Variants in NDUFB7 observed in about 807,000 individuals in gnomAD.
The protein encoded by NDUFB7 is NADH:ubiquinone oxidoreductase subunit B7, also known as NADH dehydrogenase [ubiquinone] 1 beta subcomplex subunit 7.
NDUFB7 carries 18 observed loss-of-function variants against 14.7 expected under a neutral mutation model. The ratio of observed to expected loss-of-function variants is 1.22; its 90% CI spans 0.85 to 1.81. The LOEUF is 1.81. NDUFB7 is among the 40% of genes most tolerant of loss of function. The probability of loss-of-function intolerance (pLI) is 0.00; values close to 1 mark genes in which losing one functional copy is unlikely to be tolerated. For synonymous variants in NDUFB7, 86 were observed against 76.1 expected, an observed-to-expected ratio of 1.13 and a Z score of -0.68; for missense variants, 219 against 195.0, an observed-to-expected ratio of 1.12 and a Z score of -0.73.
rs1020070816 is a variant in NDUFB7, at chr19:14,566,753, G to C, written c.281+12C>G. ...GGGCCGGGGTGTTGGGGGCTGGTGT[G>C]GGGGTGCTCACTCGCGGTGCTCGCA... On this transcript the variant is annotated intron_variant, in intron 2 of 2. Transcript: ENST00000215565. The C allele has an allele frequency of 5.8e-6, 9 of 1,540,198 alleles. No homozygotes were observed. The African/African-American group carries it at 1.2e-4, about 21-fold the overall frequency.
chr19:14,569,681 G>A (rs981954297), intron 1 of NDUFB7, among the ~76,000 whole-genome samples: 5 of 152,134 alleles, frequency 3.3e-5, no homozygotes, highest in Non-Finnish European at 5.9e-5. Flanking sequence ...AGGACTACCC[G>A]GAGTGTGGAC....
At chr19:14,568,128 C>A (rs4926228) in intron 1 of NDUFB7, among the ~76,000 whole-genome samples, 2 of 151,940 alleles carry the variant, frequency 1.3e-5, no homozygotes, top group African/African-American at 4.8e-5. Context: ...CACTGCAACC[C>A]CTGTCTCCCA....
In NDUFB7 at chr19:14,566,198, TCTC is replaced by T. The variant is rs766387755; in HGVS notation, c.346_348del (p.Glu116del). 1 of 1,613,748 alleles carries T rather than the reference TCTC, an allele frequency of 6.2e-7. No individual in the cohort carries two copies. Among genetic ancestry groups the T allele is most frequent in the South Asian group, 1.1e-5 (1 of 91,058 alleles). On this transcript the variant is annotated inframe_deletion, in exon 3 of 3. Transcript: ENST00000215565. ...CCTTTGGCCAACTCTGCCGCCTTCT[TCTC>T]CCGCCGCTTCTTCCGCTGGAGCAGC...
chr19:14,570,269 G>A (rs956604572), intron 1 of NDUFB7, among the ~76,000 whole-genome samples: 9 of 151,422 alleles, frequency 5.9e-5, no homozygotes, highest in African/African-American at 2.2e-4. Flanking sequence ...GTGTGATCTC[G>A]GCTCACTATA....
chr19:14,570,580 GC>G (rs1268059762), intron 1 of NDUFB7, among the ~76,000 whole-genome samples: 1 of 151,204 alleles, frequency 6.6e-6, no homozygotes, highest in Non-Finnish European at 1.5e-5. Flanking sequence ...CAGGTGATCT[GC>G]CCGCCTTAGC....
rs2074095799 is a variant in NDUFB7, at chr19:14,567,108, C to T, written c.113-175G>A. Reference sequence around the variant, plus strand: ...TGACGGATGCACTGTCCTGAAGGGGCCTCCTTTTCTAATTTGCACAAAGGC... The same window carrying T: ...TGACGGATGCACTGTCCTGAAGGGGTCTCCTTTTCTAATTTGCACAAAGGC... On this transcript the variant is annotated intron_variant, in intron 1 of 2. Coordinates refer to ENST00000215565, the MANE Select transcript of NDUFB7 (RefSeq NM_004146.6). The surrounding 1 kb of genome is among the most constrained non-coding windows in gnomAD (Gnocchi z 5.1). Among the ~76,000 whole-genome samples the T allele has an allele frequency of 1.3e-5, 2 of 151,936 alleles. No individual in the cohort carries two copies. The highest frequency in any genetic ancestry group is 4.1e-4 in the South Asian group (2 of 4,824).
chr19:14,571,982 G>C lies in NDUFB7; in HGVS notation c.19C>G (p.Arg7Gly), dbSNP rs749410015. 15 of 1,604,560 alleles carry C rather than the reference G, an allele frequency of 9.3e-6. No individual in the cohort carries two copies. The change falls in exon 1 of 3, where the codon CGG (arginine) becomes GGG (glycine). Residue 7 changes from arginine (R) to glycine (G), a missense_variant. Transcript: ENST00000215565. ...ACCGAGGCATCGCCCAGGTAGCGCCGGACCAGGTGGGCCCCCATGGCTGCA... is the reference window on the plus strand; with the variant it reads ...ACCGAGGCATCGCCCAGGTAGCGCCCGACCAGGTGGGCCCCCATGGCTGCA... MGAHLV[R>G]RYLGDASVEP...
At chr19:14,566,463 C>T (rs988584807) in intron 2 of NDUFB7, among the ~76,000 whole-genome samples, 198 bp from the exon 3 acceptor site, 1 of 151,854 alleles carries the variant, frequency 6.6e-6, no homozygotes, top group African/African-American at 2.4e-5. Flanking sequence ...CTTGGCCACT[C>T]CCCTAGGTGG....
At chr19:14,568,523 T>C (rs2074106507) in intron 1 of NDUFB7, among the ~76,000 whole-genome samples, 2 of 152,198 alleles carry the variant, frequency 1.3e-5, no homozygotes, top group East Asian at 3.9e-4. Context: ...CTTGAACTTA[T>C]AATCAGCTAG....
chr19:14,568,380 G>GTCCCTCC (rs2074105738), intron 1 of NDUFB7, among the ~76,000 whole-genome samples: 1 of 152,158 alleles, frequency 6.6e-6, no homozygotes, highest in Non-Finnish European at 1.5e-5. Context: ...CCCGTATGTA[G>GTCCCTCC]ATGAGCCCGA....
rs995425635 is a variant in NDUFB7, at chr19:14,567,984, C to T, written c.113-1051G>A. Among the ~76,000 whole-genome samples the T allele has an allele frequency of 5.9e-5, 9 of 152,208 alleles. No individual in the cohort carries two copies. Among genetic ancestry groups the T allele is most frequent in the Admixed American group, 5.2e-4 (8 of 15,278 alleles). On this transcript the variant is annotated intron_variant, in intron 1 of 2. Transcript: ENST00000215565. The surrounding 1 kb of genome is among the most constrained non-coding windows in gnomAD (Gnocchi z 5.1). ...TTCTTTCCTGTGGCTCCTCCCACATCCCTCCTCCCCAGGTTTCCTCCCATC... is the reference window on the plus strand; with the variant it reads ...TTCTTTCCTGTGGCTCCTCCCACATTCCTCCTCCCCAGGTTTCCTCCCATC...
chr19:14,567,616 ACT>A lies in NDUFB7; in HGVS notation c.113-685_113-684del, dbSNP rs921705969. 2.0e-4 allele frequency among the ~76,000 whole-genome samples: 31 copies of A among 151,334 alleles called. No individual in the cohort carries two copies. Among genetic ancestry groups the A allele is most frequent in the Non-Finnish European group, 3.0e-5 (2 of 67,796 alleles). ...GATGGGAGCATGAGGAATCCTGGAC[ACT>A]CACCCCGGAGCCTGTGCCTGGCGAT... On this transcript the variant is annotated intron_variant, in intron 1 of 2. Coordinates refer to ENST00000215565, the MANE Select transcript of NDUFB7 (RefSeq NM_004146.6). The surrounding 1 kb of genome is among the most constrained non-coding windows in gnomAD (Gnocchi z 5.1).
intron 1 of NDUFB7, among the ~76,000 whole-genome samples, chr19:14,568,383 G>A (rs1403962178): frequency 6.6e-6 from 1 of 152,142 alleles, no homozygotes; most frequent in Non-Finnish European, 1.5e-5. Context: ...GTATGTAGAT[G>A]AGCCCGATGT....
Position 14,567,469 on chromosome 19 carries a change from TAAC to T in NDUFB7, c.113-539_113-537del, listed in dbSNP as rs2074098840. Among the ~76,000 whole-genome samples, 1 of 152,136 alleles carries T rather than the reference TAAC, an allele frequency of 6.6e-6. No homozygotes were observed. Among genetic ancestry groups the T allele is most frequent in the Admixed American group, 6.6e-5 (1 of 15,260 alleles). On this transcript the variant is annotated intron_variant, in intron 1 of 2. Coordinates refer to ENST00000215565, the MANE Select transcript of NDUFB7 (RefSeq NM_004146.6). This position sits in a 1 kb window ranked among gnomAD's most constrained non-coding sequence, Gnocchi z 5.1. ...GAAGTTACCCGAGCATCCACTGAGC[TAAC>T]AGTACCTGTAAGGTACTTAGGCGTG...
chr19:14,566,817 A>T lies in NDUFB7; in HGVS notation c.229T>A (p.Phe77Ile), dbSNP rs1281157519. 5.2e-6 allele frequency: 8 copies of T among 1,549,388 alleles called. No individual in the cohort carries two copies. The highest frequency in any genetic ancestry group is 7.0e-6 in the Non-Finnish European group (8 of 1,148,058). The change falls in exon 2 of 3, where the codon TTC (phenylalanine) becomes ATC (isoleucine). Residue 77 changes from phenylalanine (F) to isoleucine (I), a missense_variant. Coordinates refer to ENST00000215565, the MANE Select transcript of NDUFB7 (RefSeq NM_004146.6). ...TGCCGCTCCTGCTTGCAGGCCAGGA[A>T]GTTGGGGAAGCTGTCACGCTTGCAC... ...LKCKRDSFPNFLACKQERHDW... is the reference protein window; with the variant it reads ...LKCKRDSFPNILACKQERHDW...
chr19:14,566,364 A>T (rs1005032170), intron 2 of NDUFB7, 99 bp from the exon 3 acceptor site: 1 of 1,557,642 alleles, frequency 6.4e-7, no homozygotes, highest in Non-Finnish European at 8.7e-7. Flanking sequence ...ACTGTGGGGG[A>T]GGCCTCTGAA....
intron 1 of NDUFB7, among the ~76,000 whole-genome samples, chr19:14,568,415 G>A (rs1449676294): frequency 2.0e-5 from 3 of 152,198 alleles, no homozygotes; most frequent in East Asian, 3.9e-4. Context: ...CCCACACCTC[G>A]CTTGAGCCCC....
chr19:14,568,668 T>C (rs980986586), intron 1 of NDUFB7, among the ~76,000 whole-genome samples: 1 of 152,118 alleles, frequency 6.6e-6, no homozygotes, highest in Non-Finnish European at 1.5e-5. Context: ...TGTCTGGCAG[T>C]GCTTAAGTAT....
At position 14,567,569 on chromosome 19, in the gene NDUFB7, A is replaced by C. The variant is rs1305192237; in HGVS notation, c.113-636T>G. ...CACCTAGCAAACCTGACTCCGGACA[A>C]ATCAACCTTCAGGAGGGGGCCGATG... On this transcript the variant is annotated intron_variant, in intron 1 of 2. Transcript: ENST00000215565. This position sits in a 1 kb window ranked among gnomAD's most constrained non-coding sequence, Gnocchi z 5.1. Among the ~76,000 whole-genome samples the C allele has an allele frequency of 1.3e-5, 2 of 151,962 alleles. No homozygotes were observed.
Sources: allele counts gnomAD v4.1 joint callset (sites outside exome capture counted in the v4.1 genomes callset), GRCh38; gene constraint gnomAD v4.1.1; non-coding constraint Gnocchi (gnomAD v3.1); transcripts MANE v1.5; gene names NCBI Gene and HGNC (gene_info 2026-07-23, HGNC 2026-07-21).